CDKL3: variants seen among roughly 807,000 people sequenced by gnomAD.
CDKL3 encodes the protein cyclin-dependent kinase-like 3.
CDKL3 carries 65 observed loss-of-function variants against 69.3 expected under a neutral mutation model. The observed-to-expected ratio is 0.94, with a 90% CI of 0.77 to 1.15. CDKL3 has a LOEUF of 1.15. CDKL3 is among the 50% of genes most tolerant of loss of function. The pLI is 0.00. For synonymous variants in CDKL3, 202 were observed against 221.6 expected (o/e 0.91, Z 0.79); for missense variants, 652 against 689.2 (o/e 0.95, Z 0.61).
At chr5:134,371,597 T>C, upstream of CDKL3, 2 of 1,611,688 alleles carry the variant, frequency 1.2e-6, no homozygotes, top group Non-Finnish European at 1.7e-6. Flanking sequence ...CTGCGGAGCA[T>C]GTCGACCCCG....
intron 4 of CDKL3, among the ~76,000 whole-genome samples, chr5:134,338,293 T>C (rs1364831035): frequency 6.6e-6 from 1 of 152,108 alleles, no homozygotes; most frequent in African/African-American, 2.4e-5. Flanking sequence ...TATACCTGTA[T>C]CACTGGAATT....
intron 12 of CDKL3, among the ~76,000 whole-genome samples, chr5:134,299,916 A>G (rs1346947893): frequency 6.6e-6 from 1 of 152,220 alleles, no homozygotes; most frequent in African/African-American, 2.4e-5. Context: ...CCAACAAAAC[A>G]AAAGGTGGCC....
chr5:134,347,460 G>A (rs1752190370), intron 4 of CDKL3, among the ~76,000 whole-genome samples: 1 of 151,922 alleles, frequency 6.6e-6, no homozygotes, highest in Admixed American at 6.6e-5. Context: ...GACACCCATA[G>A]CAGCATTACC....
chr5:134,369,154 A>G (rs1758058161), upstream of CDKL3, among the ~76,000 whole-genome samples: 2 of 152,238 alleles, frequency 1.3e-5, no homozygotes, highest in Admixed American at 1.3e-4. Flanking sequence ...TATTCCTTCT[A>G]CAAGTAGGTT....
chr5:134,364,794 T>A (rs1043859704), intron 2 of CDKL3, among the ~76,000 whole-genome samples: 9 of 150,782 alleles, frequency 6.0e-5, no homozygotes, highest in African/African-American at 9.8e-5. Flanking sequence ...ATTACAGGCG[T>A]GAGCCACAGC....
downstream of CDKL3, among the ~76,000 whole-genome samples, chr5:134,294,917 C>A (rs1378682303): frequency 1.1e-4 from 17 of 149,088 alleles, no homozygotes; most frequent in Admixed American, 1.1e-3. Flanking sequence ...CAGATTGCTA[C>A]AGAAAACTAT....
At chr5:134,313,788 A>C (rs1206395177) in intron 6 of CDKL3, among the ~76,000 whole-genome samples, 1 of 151,888 alleles carries the variant, frequency 6.6e-6, no homozygotes, top group Non-Finnish European at 1.5e-5. Flanking sequence ...TCACAAGGAG[A>C]AATTATTTAA....
intron 1 of CDKL3, 33 bp downstream of exon 1, chr5:134,366,944 G>A (rs1340420938): frequency 2.0e-6 from 2 of 991,254 alleles, no homozygotes; most frequent in Non-Finnish European, 2.4e-6. Flanking sequence ...GGTCTCGCCC[G>A]CAACTCAAAC....
chr5:134,287,930 T>C (rs964422814), intron 8 of CDKL3, among the ~76,000 whole-genome samples: 2 of 151,688 alleles, frequency 1.3e-5, no homozygotes, highest in Non-Finnish European at 2.9e-5. Context: ...GTTTCACCCT[T>C]GTTGCCCAGG....
chr5:134,343,775 C>T (rs1751127724), intron 4 of CDKL3, among the ~76,000 whole-genome samples: 1 of 152,184 alleles, frequency 6.6e-6, no homozygotes, highest in Non-Finnish European at 1.5e-5. Flanking sequence ...CCTGATCAAT[C>T]AGAACTCCCA....
At chr5:134,343,012 C>A (rs534705421) in intron 4 of CDKL3, among the ~76,000 whole-genome samples, 1 of 152,096 alleles carries the variant, frequency 6.6e-6, no homozygotes, top group Non-Finnish European at 1.5e-5. Flanking sequence ...CAAGACCAGC[C>A]GGGCCAACGT....
chr5:134,360,407 G>A (rs1433593442), intron 2 of CDKL3, among the ~76,000 whole-genome samples: 1 of 151,740 alleles, frequency 6.6e-6, no homozygotes, highest in Non-Finnish European at 1.5e-5. Flanking sequence ...GTTTCACCAT[G>A]TTGGCCAGGC....
chr5:134,298,906 G>A (rs1027166153), intron 12 of CDKL3, among the ~76,000 whole-genome samples, 196 bp from the exon 13 acceptor site: 2 of 151,842 alleles, frequency 1.3e-5, no homozygotes, highest in African/African-American at 2.4e-5. Context: ...ATGGAGTCTC[G>A]CTCTGTGCTC....
At chr5:134,327,076 T>C (rs1774579973) in intron 4 of CDKL3, among the ~76,000 whole-genome samples, 1 of 151,934 alleles carries the variant, frequency 6.6e-6, no homozygotes, top group Non-Finnish European at 1.5e-5. Flanking sequence ...AAGAGCTTTC[T>C]TCCCAGGAGG....
downstream of CDKL3, chr5:134,298,411 C>CA (rs1354227369): frequency 8.2e-5 from 105 of 1,285,628 alleles, no homozygotes; most frequent in Middle Eastern, 6.1e-4. Flanking sequence ...GTAATCATGG[C>CA]AAAAAAAAGA....
intron 12 of CDKL3, chr5:134,299,744 C>T (rs931396480): frequency 5.4e-5 from 82 of 1,530,914 alleles, no homozygotes; most frequent in Non-Finnish European, 7.2e-5. Context: ...TGTGCATTTC[C>T]TGTATTCTAA....
At chr5:134,322,354 G>A (rs1453683220) in intron 4 of CDKL3, among the ~76,000 whole-genome samples, 1 of 152,120 alleles carries the variant, frequency 6.6e-6, no homozygotes, top group African/African-American at 2.4e-5. Flanking sequence ...GACTTTATAA[G>A]AATTGGTAAT....
At chr5:134,316,190 G>C (rs1285840464) in intron 6 of CDKL3, among the ~76,000 whole-genome samples, 2 of 152,142 alleles carry the variant, frequency 1.3e-5, no homozygotes, top group African/African-American at 4.8e-5. Flanking sequence ...GGGCTCAAGT[G>C]ATCCTCCCAC....
intron 2 of CDKL3, among the ~76,000 whole-genome samples, chr5:134,362,746 T>C (rs1336362769): frequency 6.6e-6 from 1 of 151,990 alleles, no homozygotes; most frequent in Admixed American, 6.6e-5. Context: ...CTGGGCAACA[T>C]GGTGAAACCC....
Sources: allele counts gnomAD v4.1 joint callset (sites outside exome capture counted in the v4.1 genomes callset), GRCh38; gene constraint gnomAD v4.1.1; transcripts MANE v1.5; gene names NCBI Gene and HGNC (gene_info 2026-07-23, HGNC 2026-07-21).